Variants in ADPGK observed in about 807,000 individuals in gnomAD.
ADPGK encodes the protein ADP dependent glucokinase, also known as ADP-dependent glucokinase.
A neutral mutation model predicts 42.4 loss-of-function variants in ADPGK; 26 were observed. The observed-to-expected ratio is 0.61, with a 90% CI of 0.45 to 0.85. The LOEUF (loss-of-function observed/expected upper bound fraction) is 0.85. Ranked by LOEUF, ADPGK falls within the 40% of genes least tolerant of loss-of-function variation. The pLI, the probability that ADPGK is intolerant of heterozygous loss-of-function variation, is 0.00. For synonymous variants in ADPGK, 267 were observed against 252.6 expected (o/e 1.06, Z -0.54); for missense variants, 571 against 627.0 (o/e 0.91, Z 0.95).
Position 72,755,606 on chromosome 15 carries a change from C to G in ADPGK, c.889G>C (p.Glu297Gln). ...TCCCTGTTAGTCATACTGGCCAGCT[C>G]TAGGTGAACTGGAATACCAGTGGGG... The part of the protein sequence containing the change: ...DIPTGIPVHL[E>Q]LASMTNRELM... The change falls in exon 6 of 7, where the codon GAG becomes CAG. Residue 297 changes from glutamate to glutamine, a missense_variant. Around this residue, in one of 2 missense-constraint regions of ADPGK, gnomAD observed 434 missense variants for 522.7 expected, o/e 0.83. Transcript: ENST00000456471. 1 of 1,614,096 alleles carries G rather than the reference C, an allele frequency of 6.2e-7. No homozygotes were observed. Among genetic ancestry groups the G allele is most frequent in the Non-Finnish European group, 8.5e-7 (1 of 1,180,012 alleles).
At chr15:72,766,413 C>A (rs2066260437) in intron 3 of ADPGK, among the ~76,000 whole-genome samples, 1 of 152,102 alleles carries the variant, frequency 6.6e-6, no homozygotes, top group South Asian at 2.1e-4. Flanking sequence ...CCACAGCCAC[C>A]CCAAGCTTCA....
At chr15:72,776,771 TATTA>T (rs1453995994) in intron 1 of ADPGK, among the ~76,000 whole-genome samples, 2 of 152,192 alleles carry the variant, frequency 1.3e-5, no homozygotes, top group African/African-American at 2.4e-5. Context: ...GGGTCCTTTT[TATTA>T]ATTCTTCCCC....
chr15:72,758,206 A>G (rs2066141145), intron 4 of ADPGK: 3 of 1,354,892 alleles, frequency 2.2e-6, no homozygotes, highest in African/African-American at 1.4e-5. Flanking sequence ...TGGAGAGGCC[A>G]TGCAGGGGGC....
chr15:72,758,013 C>T lies in ADPGK; in HGVS notation c.644-1566G>A. The T allele has an allele frequency of 4.0e-6, 6 of 1,513,290 alleles. No individual in the cohort carries two copies. The South Asian group carries it at 4.7e-5, about 12-fold the overall frequency. The allele number at this position is 1,513,290 out of a possible 1,614,324, so 93.7% of individuals were successfully genotyped here. A position where few individuals can be genotyped will look rare whatever the true frequency, so the allele number is the denominator to read the frequency against. ...AGCAGATGCCAAGAGAGGCTGGAAC[C>T]TGAAGAAAACCACCAGCTGAGATCT... On this transcript the variant is annotated intron_variant, in intron 4 of 6. Coordinates refer to ENST00000456471, the MANE Select transcript of ADPGK (RefSeq NM_001365225.1).
At chr15:72,760,242 G>A (rs772118646) in intron 4 of ADPGK, 165 bp downstream of exon 4, 12 of 797,402 alleles carry the variant, frequency 1.5e-5, no homozygotes, top group African/African-American at 3.5e-5. Flanking sequence ...TTGAGACAAC[G>A]GCCAGTATCA....
chr15:72,783,511 A>T lies in ADPGK; in HGVS notation c.181T>A (p.Trp61Arg). Residue 61 changes from tryptophan (W) to arginine (R), a missense_variant, in exon 1 of 7, where the codon TGG (tryptophan) becomes AGG (arginine). By Grantham distance (101) the Trp-to-Arg change is moderately radical (BLOSUM62 -3). This residue lies in a region of ADPGK where 137 missense variants were observed against 104.2 expected (regional missense o/e 1.31). Transcript: ENST00000456471. The part of the protein sequence containing the change: ...VSPEGRLAAA[W>R]DALIVRPVRR... ...ACTGGCCGCACGATAAGCGCGTCCC[A>T]GGCTGCCGCCAACCGGCCCTCGGGG... 6.8e-7 allele frequency: 1 copy of T among 1,472,332 alleles called. No individual in the cohort carries two copies. Among genetic ancestry groups the T allele is most frequent in the Non-Finnish European group, 8.9e-7 (1 of 1,118,918 alleles). 91.2% of individuals were successfully genotyped at this position (1,472,332 alleles called of 1,614,324 possible).
intron 1 of ADPGK, among the ~76,000 whole-genome samples, chr15:72,778,289 A>G (rs536705697): frequency 6.6e-6 from 1 of 152,258 alleles, no homozygotes; most frequent in African/African-American, 2.4e-5. Flanking sequence ...GATGCCAAAC[A>G]AGTACTTTAC....
At chr15:72,758,204 C>A in intron 4 of ADPGK, 1 of 1,378,614 alleles carries the variant, frequency 7.3e-7, no homozygotes, top group Non-Finnish European at 1.0e-6. Context: ...GTTGGAGAGG[C>A]CATGCAGGGG....
Position 72,771,862 on chromosome 15 carries a change from G to A in ADPGK, c.460-17C>T, listed in dbSNP as rs1317079120. On this transcript the variant is annotated splice_polypyrimidine_tract_variant and intron_variant, in intron 2 of 6. Coordinates refer to ENST00000456471, the MANE Select transcript of ADPGK (RefSeq NM_001365225.1). ...TACATAGTGCTGTAAGAGAGTTCAA[G>A]GCTTTTAGACAGTATTTTAATACAA... The A allele has an allele frequency of 2.5e-6, 4 of 1,599,322 alleles. No homozygotes were observed. Among genetic ancestry groups the A allele is most frequent in the Non-Finnish European group, 3.4e-6 (4 of 1,172,156 alleles).
At chr15:72,766,568 A>G (rs1317050720) in intron 3 of ADPGK, among the ~76,000 whole-genome samples, 1 of 152,166 alleles carries the variant, frequency 6.6e-6, no homozygotes, top group Admixed American at 6.5e-5. Flanking sequence ...TTTTTTTCAG[A>G]CATAATGGTA....
chr15:72,771,163 T>C (rs532112115), intron 3 of ADPGK, among the ~76,000 whole-genome samples: 39 of 152,306 alleles, frequency 2.6e-4, no homozygotes, highest in African/African-American at 9.1e-4. Flanking sequence ...ATTCTACTCA[T>C]AGCAAGAGAA....
chr15:72,764,704 C>T (rs936189682), intron 3 of ADPGK, among the ~76,000 whole-genome samples: 3 of 152,132 alleles, frequency 2.0e-5, no homozygotes, highest in East Asian at 3.9e-4. Context: ...TGAAGAAGTA[C>T]GTAAAATTAT....
intron 4 of ADPGK, chr15:72,757,720 C>G (rs1489824485): frequency 5.5e-6 from 1 of 181,970 alleles, no homozygotes; most frequent in Admixed American, 5.7e-5. Flanking sequence ...CCAAATCCAA[C>G]ATTTTGCAAA....
At chr15:72,770,367 C>A (rs1484541346) in intron 3 of ADPGK, among the ~76,000 whole-genome samples, 1 of 152,210 alleles carries the variant, frequency 6.6e-6, no homozygotes, top group African/African-American at 2.4e-5. Context: ...ATGCTGGTCC[C>A]AGGGGAGGTC....
chr15:72,752,549 G>A lies in ADPGK; in HGVS notation c.1286C>T (p.Ala429Val), dbSNP rs750898941. Residue 429 changes from alanine (A) to valine (V), a missense_variant, in exon 7 of 7, where the codon GCA becomes GTA. Transcript: ENST00000456471. ...ATGGGAAGTCATGAACTCTTGGGGT[G>A]CCCTCAGAGACACTCGGCTGGTGTC... ...TIDTSRVSLR[A>V]PQEFMTSHSE... 2.7e-5 allele frequency: 43 copies of A among 1,614,064 alleles called. No homozygotes were observed. The highest frequency in any genetic ancestry group is 3.4e-5 in the Non-Finnish European group (40 of 1,180,050).
Position 72,783,535 on chromosome 15 carries a change from G to C in ADPGK, c.157C>G (p.Pro53Ala), listed in dbSNP as rs914063646. 2.8e-5 allele frequency: 42 copies of C among 1,490,172 alleles called. No homozygotes were observed. The highest frequency in any genetic ancestry group is 3.4e-5 in the Non-Finnish European group (38 of 1,127,158). The allele number at this position is 1,490,172 out of a possible 1,614,324, so 92.3% of individuals were successfully genotyped here. ...CAGGCTGCCGCCAACCGGCCCTCGGGGGAGACGGGTCCCGGGGGCGCAGGC... is the reference window on the plus strand; with the variant it reads ...CAGGCTGCCGCCAACCGGCCCTCGGCGGAGACGGGTCCCGGGGGCGCAGGC... ...PAPAPPGPVS[P>A]EGRLAAAWDA... The change falls in exon 1 of 7, where the codon CCC (proline) becomes GCC (alanine). Residue 53 changes from proline (P) to alanine (A), a missense_variant. Around this residue, in one of 2 missense-constraint regions of ADPGK, gnomAD observed 137 missense variants for 104.2 expected, o/e 1.31. Transcript: ENST00000456471.
chr15:72,776,416 G>A (rs1337976697), intron 1 of ADPGK, among the ~76,000 whole-genome samples: 3 of 152,134 alleles, frequency 2.0e-5, no homozygotes, highest in African/African-American at 7.2e-5. Context: ...AGTGATACGG[G>A]TGACTGGGCT....
intron 2 of ADPGK, among the ~76,000 whole-genome samples, chr15:72,774,380 G>A (rs1210822565): frequency 2.6e-5 from 4 of 152,098 alleles, no homozygotes; most frequent in Admixed American, 2.6e-4. Context: ...AGGCATACTG[G>A]GGTGAGGTAG....
intron 3 of ADPGK, among the ~76,000 whole-genome samples, chr15:72,763,318 ATTTTTTTTTT>A (rs34099103): frequency 1.6e-5 from 2 of 123,676 alleles, no homozygotes; most frequent in Non-Finnish European, 3.3e-5. Context: ...CACTCGGCTA[ATTTTTTTTTT>A]TTTTTTTTTT....
Sources: gnomAD v4.1 joint callset for allele counts (sites outside exome capture counted in the v4.1 genomes callset) on GRCh38, gnomAD v4.1.1 for gene constraint, gnomAD v4.1.1 regional missense constraint, MANE v1.5 for transcripts, NCBI Gene and HGNC (gene_info 2026-07-23, HGNC 2026-07-21) for gene names.